HSPA9: variants seen among roughly 807,000 people sequenced by gnomAD.
HSPA9 encodes the protein stress-70 protein, mitochondrial.
In HSPA9, 28 loss-of-function variants were observed where a neutral mutation model predicts 81.5. The ratio of observed to expected loss-of-function variants is 0.34; its 90% CI spans 0.25 to 0.47. HSPA9 has a LOEUF of 0.47. Among genes scored for constraint, HSPA9 ranks in the 20% least tolerant of loss-of-function variants. The pLI is 1.00. For synonymous variants in HSPA9, 293 were observed against 290.4 expected, an observed-to-expected ratio of 1.01 and a Z score of -0.09; for missense variants, 678 against 838.0, an observed-to-expected ratio of 0.81 and a Z score of 2.36.
intron 1 of HSPA9, chr5:138,574,863 TAC>T: frequency 3.7e-6 from 1 of 271,140 alleles, no homozygotes; most frequent in East Asian, 8.2e-5. Context: ...ACGGGATCCT[TAC>T]ACACTCTGTA....
At chr5:138,557,772 A>G (rs905323182) in intron 13 of HSPA9, 97 bp downstream of exon 13, 4 of 837,582 alleles carry the variant, frequency 4.8e-6, no homozygotes, top group South Asian at 4.0e-5. Context: ...AGTAAATCTG[A>G]TAACTGAGGG....
At chr5:138,568,480 C>T (rs1750813728) in intron 5 of HSPA9, among the ~76,000 whole-genome samples, 1 of 152,176 alleles carries the variant, frequency 6.6e-6, no homozygotes, top group Non-Finnish European at 1.5e-5. Flanking sequence ...GCACTCCAGC[C>T]TGGGCAACAA....
chr5:138,556,154 T>TA, intron 16 of HSPA9, 40 bp from the exon 17 acceptor site: 1 of 1,522,946 alleles, frequency 6.6e-7, no homozygotes, highest in African/African-American at 1.4e-5. Flanking sequence ...GATTTAACGT[T>TA]AGAGCTAACC....
intron 9 of HSPA9, among the ~76,000 whole-genome samples, chr5:138,562,465 C>T (rs1044707248): frequency 1.3e-5 from 2 of 151,882 alleles, no homozygotes; most frequent in South Asian, 2.1e-4. Context: ...GCAGGAGAAT[C>T]GCTTGAACCC....
rs914337845 is a variant in HSPA9 at position 138,555,709 on chromosome 5, C to T, written c.*328G>A. On this transcript the variant is annotated 3_prime_UTR_variant, in exon 17 of 17. Coordinates refer to ENST00000297185, the MANE Select transcript of HSPA9 (RefSeq NM_004134.7). The stretch of plus-strand genomic sequence containing the variant: ...GGATGACTACCTTCATTGCTGTGTG[C>T]GAGATGGTTTCACCCCTTGAAAATA... 1.6e-4 allele frequency: 61 copies of T among 371,222 alleles called. 1 individual carries two copies. The highest frequency in any genetic ancestry group is 1.0e-3 in the African/African-American group (50 of 47,678). The allele number at this position is 371,222 out of a possible 1,614,324, so 23.0% of individuals were successfully genotyped here.
At chr5:138,557,350 G>A in intron 14 of HSPA9, 52 bp downstream of exon 14, 3 of 1,285,602 alleles carry the variant, frequency 2.3e-6, no homozygotes, top group Non-Finnish European at 3.4e-6. Flanking sequence ...AACTCCCACT[G>A]TCAAGACTGA....
At chr5:138,556,215 A>G in intron 16 of HSPA9, 101 bp from the exon 17 acceptor site, 1 of 1,058,290 alleles carries the variant, frequency 9.4e-7, no homozygotes, top group South Asian at 1.3e-5. Flanking sequence ...TGTCCTCATC[A>G]TTCATTTCTA....
At position 138,560,080 on chromosome 5, in the gene HSPA9, A is replaced by G; in HGVS notation, c.1194T>C (p.Thr398=). ...GMTRMPKVQQ[T]VQDLFGRAPS... Reference sequence around the variant, plus strand: ...GGGCTCTGCCAAAAAGATCCTGTACAGTCTGCTGAACCTGAACATCAAGGA... The same window carrying G: ...GGGCTCTGCCAAAAAGATCCTGTACGGTCTGCTGAACCTGAACATCAAGGA... The change falls in exon 11 of 17, where the codon ACT becomes ACC. Residue 398 remains threonine (T), a synonymous_variant. Transcript: ENST00000297185. 1 of 1,613,966 alleles carries G rather than the reference A, an allele frequency of 6.2e-7. No individual in the cohort carries two copies. Among genetic ancestry groups the G allele is most frequent in the Non-Finnish European group, 8.5e-7 (1 of 1,179,894 alleles).
At chr5:138,573,053 G>A (rs1750943899) in intron 3 of HSPA9, among the ~76,000 whole-genome samples, 2 of 152,022 alleles carry the variant, frequency 1.3e-5, no homozygotes, top group Non-Finnish European at 2.9e-5. Context: ...GTGCCACTAC[G>A]CCCAGCTAAT....
chr5:138,557,182 C>A (rs1750547681), intron 14 of HSPA9: 1 of 617,848 alleles, frequency 1.6e-6, no homozygotes, highest in Non-Finnish European at 2.9e-6. Context: ...TGTCCAAACT[C>A]TCCCACTTTC....
chr5:138,557,777 T>C, intron 13 of HSPA9, 92 bp downstream of exon 13: 1 of 842,806 alleles, frequency 1.2e-6, no homozygotes. Context: ...ATCTGATAAC[T>C]GAGGGGCAAA....
chr5:138,556,929 T>C (rs1750540504), intron 14 of HSPA9, 63 bp from the exon 15 acceptor site: 7 of 1,072,052 alleles, frequency 6.5e-6, no homozygotes, highest in Admixed American at 5.1e-5. Context: ...TGAATGTCTA[T>C]ACTCAGACAA....
chr5:138,572,947 G>C, intron 3 of HSPA9, among the ~76,000 whole-genome samples: 1 of 151,816 alleles, frequency 6.6e-6, no homozygotes, highest in East Asian at 1.9e-4. Context: ...CCAGGCTGGA[G>C]TACAGTGATG....
intron 16 of HSPA9, 140 bp from the exon 17 acceptor site, chr5:138,556,254 T>C: frequency 9.8e-7 from 1 of 1,024,124 alleles, no homozygotes; most frequent in East Asian, 2.4e-5. Flanking sequence ...CTTTCTACCC[T>C]ACTGGTGGTT....
chr5:138,567,572 CAAAGAG>C lies in HSPA9; in HGVS notation c.610-17_610-12del. 6.2e-7 allele frequency: 1 copy of C among 1,613,208 alleles called. No individual in the cohort carries two copies. The highest frequency in any genetic ancestry group is 8.5e-7 in the Non-Finnish European group (1 of 1,179,198). On this transcript the variant is annotated splice_polypyrimidine_tract_variant and intron_variant, in intron 6 of 16. Coordinates refer to ENST00000297185, the MANE Select transcript of HSPA9 (RefSeq NM_004134.7). ...AGCATCTTTAGTGGCCTAGAGAAAA[CAAAGAG>C]AAAAACATTTTTGTACCCTTCCATC...
At chr5:138,573,909 G>T in intron 2 of HSPA9, 59 bp from the exon 3 acceptor site, 1 of 1,378,936 alleles carries the variant, frequency 7.3e-7, no homozygotes, top group Non-Finnish European at 1.0e-6. Flanking sequence ...CAAAGTCACT[G>T]GAAGATAATA....
intron 14 of HSPA9, 137 bp from the exon 15 acceptor site, chr5:138,557,003 TGAAA>T (rs1235898884): frequency 5.5e-6 from 4 of 724,864 alleles, no homozygotes; most frequent in Admixed American, 4.0e-5. Context: ...CAGAGTGGCA[TGAAA>T]GAGTCTGGGA....
intron 11 of HSPA9, 139 bp downstream of exon 11, chr5:138,559,725 A>G (rs1212990672): frequency 1.4e-6 from 1 of 694,760 alleles, no homozygotes; most frequent in Non-Finnish European, 2.6e-6. Flanking sequence ...CTCACCACCC[A>G]CAGTTAACTG....
At chr5:138,559,703 A>G (rs1750611255) in intron 11 of HSPA9, 161 bp downstream of exon 11, 3 of 652,058 alleles carry the variant, frequency 4.6e-6, no homozygotes, top group Non-Finnish European at 8.3e-6. Flanking sequence ...ACAAAAAACA[A>G]AACACAGGAT....
Sources: gnomAD v4.1 joint callset for allele counts (sites outside exome capture counted in the v4.1 genomes callset) on GRCh38, gnomAD v4.1.1 for gene constraint, MANE v1.5 for transcripts, NCBI Gene and HGNC (gene_info 2026-07-23, HGNC 2026-07-21) for gene names.